The following ZNF804A variants were observed in gnomAD, a reference collection of about 807,000 sequenced individuals.
ZNF804A encodes the protein zinc finger protein 804A.
In ZNF804A, 2 loss-of-function variants were observed where a neutral mutation model predicts 16.5. The ratio of observed to expected loss-of-function variants is 0.12; its 90% CI spans 0.05 to 0.38. The LOEUF (loss-of-function observed/expected upper bound fraction) is 0.38, where lower values mean the gene tolerates loss of function less well. ZNF804A is among the 10% of genes least tolerant of loss of function. The probability of loss-of-function intolerance (pLI) is 0.99; values close to 1 mark genes in which losing one functional copy is unlikely to be tolerated. For missense variants in ZNF804A, 1,473 were observed against 1,390.7 expected (o/e 1.06, Z -0.94); for synonymous variants, 534 against 489.6 (o/e 1.09, Z -1.20).
chr2:184,863,477 G>A (rs949667948), intron 1 of ZNF804A, among the ~76,000 whole-genome samples: 6 of 151,364 alleles, frequency 4.0e-5, no homozygotes, highest in East Asian at 1.9e-4. Context: ...AGTCTGTTCC[G>A]CTAAAAACCT....
At chr2:184,753,771 T>C (rs890757296) in intron 1 of ZNF804A, among the ~76,000 whole-genome samples, 1 of 151,860 alleles carries the variant, frequency 6.6e-6, no homozygotes, top group Non-Finnish European at 1.5e-5. Context: ...AAGGTGAGAT[T>C]ATCACAGGAG....
At position 184,607,936 on chromosome 2, in the gene ZNF804A, C is replaced by CTTTTTTTTT. The variant is rs34262998; in HGVS notation, c.111+8885_111+8893dup. ...CACCATGGAGAACCTTGATGCATCT[C>CTTTTTTTTT]TTTTTTTTTTTTTTTTTTTTTTTTT... On this transcript the variant is annotated intron_variant, in intron 1 of 3. Coordinates refer to ENST00000302277, the MANE Select transcript of ZNF804A (RefSeq NM_194250.2). 1.7e-4 allele frequency among the ~76,000 whole-genome samples: 11 copies of CTTTTTTTTT among 65,654 alleles called. 2 individuals carry two copies. Among genetic ancestry groups the CTTTTTTTTT allele is most frequent in the African/African-American group, 2.6e-4 (4 of 15,224 alleles). 43.1% of individuals were successfully genotyped at this position (65,654 alleles called of 152,430 possible).
At chr2:184,867,473 A>G (rs1397640968) in intron 2 of ZNF804A, among the ~76,000 whole-genome samples, 3 of 152,044 alleles carry the variant, frequency 2.0e-5, no homozygotes, top group Non-Finnish European at 2.9e-5. Flanking sequence ...AATTGTGTGT[A>G]CTTCCTTTGC....
chr2:184,653,547 C>T (rs777940044), intron 1 of ZNF804A, among the ~76,000 whole-genome samples: 7 of 152,148 alleles, frequency 4.6e-5, no homozygotes, highest in Non-Finnish European at 8.8e-5. Flanking sequence ...TTGGGAGACC[C>T]AACTGGACAT....
intron 1 of ZNF804A, among the ~76,000 whole-genome samples, chr2:184,799,841 G>A (rs1174571880): frequency 1.3e-5 from 2 of 152,152 alleles, no homozygotes; most frequent in Non-Finnish European, 2.9e-5. Flanking sequence ...ACTGCAGTTA[G>A]CCAGCAATTG....
chr2:184,745,548 A>G (rs952515631), intron 1 of ZNF804A, among the ~76,000 whole-genome samples: 1 of 151,700 alleles, frequency 6.6e-6, no homozygotes, highest in Non-Finnish European at 1.5e-5. Flanking sequence ...ATTTGTATGA[A>G]ATATGAAGAA....
At chr2:184,729,382 C>T (rs186582047) in intron 1 of ZNF804A, among the ~76,000 whole-genome samples, 182 of 151,632 alleles carry the variant, frequency 1.2e-3, no homozygotes, top group Middle Eastern at 6.8e-3. Context: ...TAAGAAATAC[C>T]TCATGATCTC....
chr2:184,907,472 C>A (rs988632505), intron 2 of ZNF804A, among the ~76,000 whole-genome samples: 3 of 152,098 alleles, frequency 2.0e-5, no homozygotes, highest in Non-Finnish European at 4.4e-5. Flanking sequence ...TATTACATAT[C>A]CCATATACAG....
rs771601434 is a variant in ZNF804A, at chr2:184,937,427, G to T, written c.2031G>T (p.Trp677Cys). ...LSDNEEMCKT[W>C]NTEYNTYDTI... The stretch of plus-strand genomic sequence containing the variant: ...ACAATGAAGAAATGTGTAAAACATG[G>T]AATACTGAATACAACACTTATGATA... The change falls in exon 4 of 4, where the codon TGG becomes TGT. Residue 677 changes from tryptophan (W) to cysteine (C), a missense_variant. Transcript: ENST00000302277. The T allele has an allele frequency of 3.5e-5, 56 of 1,612,234 alleles. No individual in the cohort carries two copies. The Middle Eastern group carries it at 1.2e-3, about 33-fold the overall frequency.
At chr2:184,720,742 A>AT (rs1459703846) in intron 1 of ZNF804A, among the ~76,000 whole-genome samples, 2 of 152,182 alleles carry the variant, frequency 1.3e-5, no homozygotes, top group African/African-American at 4.8e-5. Flanking sequence ...TTTTTCACAG[A>AT]GATAGAACAA....
chr2:184,641,340 A>C (rs1559115079), intron 1 of ZNF804A, among the ~76,000 whole-genome samples: 1 of 152,202 alleles, frequency 6.6e-6, no homozygotes, highest in Non-Finnish European at 1.5e-5. Context: ...ATTATGCTGA[A>C]CCAAAGCATG....
chr2:184,604,282 T>C lies in ZNF804A; in HGVS notation c.111+5212T>C, dbSNP rs534791003. On this transcript the variant is annotated intron_variant, in intron 1 of 3. Coordinates refer to ENST00000302277, the MANE Select transcript of ZNF804A (RefSeq NM_194250.2). Reference sequence around the variant, plus strand: ...GCCTCCCGGGTTCACGCCATTCTCCTGCCTCAGCCTCCCGAGTAGCTGGGA... The same window carrying C: ...GCCTCCCGGGTTCACGCCATTCTCCCGCCTCAGCCTCCCGAGTAGCTGGGA... Among the ~76,000 whole-genome samples the C allele has an allele frequency of 2.3e-3, 337 of 146,734 alleles. 2 individuals are homozygous for C. Among genetic ancestry groups the C allele is most frequent in the Non-Finnish European group, 4.1e-3 (271 of 66,852 alleles).
intron 2 of ZNF804A, among the ~76,000 whole-genome samples, chr2:184,888,748 A>G (rs989073546): frequency 6.6e-6 from 1 of 152,070 alleles, no homozygotes; most frequent in Non-Finnish European, 1.5e-5. Flanking sequence ...TACTTATTGG[A>G]GGCATAAAAA....
chr2:184,817,129 T>C (rs1279988360), intron 1 of ZNF804A, among the ~76,000 whole-genome samples: 2 of 151,812 alleles, frequency 1.3e-5, no homozygotes, highest in Non-Finnish European at 2.9e-5. Context: ...GTAGTGAAGA[T>C]ATAAAGTGGG....
At chr2:184,884,059 C>T (rs1368915403) in intron 2 of ZNF804A, among the ~76,000 whole-genome samples, 2 of 152,054 alleles carry the variant, frequency 1.3e-5, no homozygotes, top group East Asian at 3.9e-4. Context: ...TAGAAAACTC[C>T]ATAGTCTCTG....
At chr2:184,850,823 C>T (rs912699533) in intron 1 of ZNF804A, among the ~76,000 whole-genome samples, 12 of 151,600 alleles carry the variant, frequency 7.9e-5, no homozygotes, top group African/African-American at 2.9e-4. Context: ...TATATCTTTG[C>T]AATTTTAACT....
intron 1 of ZNF804A, among the ~76,000 whole-genome samples, chr2:184,695,924 CTAT>C (rs1692823606): frequency 6.6e-6 from 1 of 152,034 alleles, no homozygotes; most frequent in Admixed American, 6.6e-5. Context: ...GAGATGACTT[CTAT>C]TATTTTTTCC....
At chr2:184,668,316 G>A (rs1215583579) in intron 1 of ZNF804A, among the ~76,000 whole-genome samples, 1 of 151,746 alleles carries the variant, frequency 6.6e-6, no homozygotes, top group Non-Finnish European at 1.5e-5. Context: ...TACTCCAGAG[G>A]ACATGTTGCT....
At chr2:184,885,186 AC>A (rs1030609687) in intron 2 of ZNF804A, among the ~76,000 whole-genome samples, 4 of 152,148 alleles carry the variant, frequency 2.6e-5, no homozygotes, top group Non-Finnish European at 2.9e-5. Flanking sequence ...AATCAAAAAA[AC>A]GACAGGCTCT....
Sources: gnomAD v4.1 joint callset for allele counts (sites outside exome capture counted in the v4.1 genomes callset) on GRCh38, gnomAD v4.1.1 for gene constraint, MANE v1.5 for transcripts, NCBI Gene and HGNC (gene_info 2026-07-23, HGNC 2026-07-21) for gene names.